Variants in GALNT7 observed in about 807,000 individuals in gnomAD.
GALNT7 encodes polypeptide N-acetylgalactosaminyltransferase 7, also known as N-acetylgalactosaminyltransferase 7.
A neutral mutation model predicts 82.1 loss-of-function variants in GALNT7; 60 were observed. The ratio of observed to expected loss-of-function variants is 0.73; its 90% CI spans 0.59 to 0.91. The LOEUF is 0.91. Among genes scored for constraint, GALNT7 ranks in the 40% least tolerant of loss-of-function variants. GALNT7 has a pLI of 0.00. For missense variants in GALNT7, 660 were observed against 804.2 expected (o/e 0.82, Z 2.17); for synonymous variants, 243 against 275.1 (o/e 0.88, Z 1.15).
chr4:173,253,144 G>A (rs554001108), intron 2 of GALNT7, among the ~76,000 whole-genome samples: 1 of 151,964 alleles, frequency 6.6e-6, no homozygotes, highest in African/African-American at 2.4e-5. Flanking sequence ...AGAGGTTGCA[G>A]TGAGCCGAGA....
At position 173,268,604 on chromosome 4, in the gene GALNT7, C is replaced by T. The variant is rs760123500; in HGVS notation, c.587+20164C>T. 3.1e-5 allele frequency among the ~76,000 whole-genome samples: 4 copies of T among 128,424 alleles called. No individual in the cohort carries two copies. In the Admixed American group the frequency reaches 4.0e-4, roughly 13 times the overall value. The allele number at this position is 128,424 out of a possible 152,430, so 84.3% of individuals were successfully genotyped here. On this transcript the variant is annotated intron_variant, in intron 2 of 11. Coordinates refer to ENST00000265000, the MANE Select transcript of GALNT7 (RefSeq NM_017423.3). ...GCCCAGGCGTGGCGCCATCTTGGCT[C>T]ACAGCAAGCTCTGCCTCCCAGGTTC...
intron 1 of GALNT7, among the ~76,000 whole-genome samples, chr4:173,222,382 C>G (rs1695365863): frequency 6.6e-6 from 1 of 152,172 alleles, no homozygotes; most frequent in Admixed American, 6.5e-5. Context: ...TAGGATTCTC[C>G]TGCCTCAGTC....
At chr4:173,173,572 T>A (rs1364879064) in intron 1 of GALNT7, among the ~76,000 whole-genome samples, 3 of 152,176 alleles carry the variant, frequency 2.0e-5, no homozygotes, top group Non-Finnish European at 4.4e-5. Context: ...GGGATGAAAC[T>A]GTTCCGCCTC....
chr4:173,273,747 A>G (rs920113758), intron 2 of GALNT7, among the ~76,000 whole-genome samples: 2 of 151,886 alleles, frequency 1.3e-5, no homozygotes, highest in African/African-American at 4.8e-5. Flanking sequence ...TTTTCCTCTC[A>G]TTCTTTCTTT....
chr4:173,190,025 A>T lies in GALNT7; in HGVS notation c.126+21064A>T, dbSNP rs574893489. Among the ~76,000 whole-genome samples the T allele has an allele frequency of 3.3e-5, 5 of 152,210 alleles. No individual in the cohort carries two copies. In the South Asian group the frequency reaches 1.0e-3, roughly 32 times the overall value. The stretch of plus-strand genomic sequence containing the variant: ...TTTTTTTTCTCTTACATAAATACCC[A>T]AACTGATAATGGCAAAATAGACTTC... On this transcript the variant is annotated intron_variant, in intron 1 of 11. Transcript: ENST00000265000.
intron 2 of GALNT7, among the ~76,000 whole-genome samples, chr4:173,270,590 A>G (rs758880022): frequency 1.3e-5 from 2 of 152,172 alleles, no homozygotes; most frequent in African/African-American, 4.8e-5. Flanking sequence ...AAGGTTTTTG[A>G]TGGATTTTTT....
intron 1 of GALNT7, among the ~76,000 whole-genome samples, chr4:173,218,625 T>A (rs1275759988): frequency 6.6e-6 from 1 of 152,168 alleles, no homozygotes; most frequent in Non-Finnish European, 1.5e-5. Context: ...TCCTGTTTCT[T>A]TAAGTTAAGC....
intron 2 of GALNT7, among the ~76,000 whole-genome samples, chr4:173,262,176 A>G (rs904342743): frequency 6.6e-6 from 1 of 152,096 alleles, no homozygotes; most frequent in African/African-American, 2.4e-5. Context: ...AAAAGGGGGG[A>G]GCATTTTAAT....
At chr4:173,252,472 G>T (rs1734883838) in intron 2 of GALNT7, among the ~76,000 whole-genome samples, 1 of 152,168 alleles carries the variant, frequency 6.6e-6, no homozygotes, top group Non-Finnish European at 1.5e-5. Context: ...CTTTGTAGAT[G>T]AATGTTCTCT....
chr4:173,233,500 T>C (rs1734110719), intron 1 of GALNT7, among the ~76,000 whole-genome samples: 1 of 152,240 alleles, frequency 6.6e-6, no homozygotes. Context: ...GTTGAGTATT[T>C]TTTCATATAT....
Position 173,215,851 on chromosome 4 carries a change from C to T in GALNT7, c.127-32129C>T, listed in dbSNP as rs939873753. On this transcript the variant is annotated intron_variant, in intron 1 of 11. Transcript: ENST00000265000. Reference sequence around the variant, plus strand: ...AAGGCCGGGTGCAGTGGTTCACGCCCGTAATCCCAGCACTTTGGGAGGCCA... The same window carrying T: ...AAGGCCGGGTGCAGTGGTTCACGCCTGTAATCCCAGCACTTTGGGAGGCCA... Among the ~76,000 whole-genome samples, 9 of 152,072 alleles carry T rather than the reference C, an allele frequency of 5.9e-5. No homozygotes were observed. The East Asian group carries it at 9.6e-4, about 16-fold the overall frequency.
At chr4:173,184,247 C>CGGCTGGGAGGTGGA (rs1732390495) in intron 1 of GALNT7, among the ~76,000 whole-genome samples, 1 of 151,886 alleles carries the variant, frequency 6.6e-6, no homozygotes. Flanking sequence ...CCAAGGCAGG[C>CGGCTGGGAGGTGGA]GGCTGGGAGG....
At chr4:173,252,139 C>T (rs547091261) in intron 2 of GALNT7, among the ~76,000 whole-genome samples, 2 of 152,230 alleles carry the variant, frequency 1.3e-5, no homozygotes, top group African/African-American at 4.8e-5. Flanking sequence ...TTGCATATTA[C>T]CTAATATGCA....
chr4:173,313,649 ACTCT>A (rs1055477186), intron 8 of GALNT7, among the ~76,000 whole-genome samples: 2 of 151,486 alleles, frequency 1.3e-5, no homozygotes, highest in African/African-American at 4.8e-5. Flanking sequence ...GCTCTCATAA[ACTCT>A]CTCTGAGATT....
At chr4:173,260,141 A>C (rs1161858774) in intron 2 of GALNT7, among the ~76,000 whole-genome samples, 1 of 152,258 alleles carries the variant, frequency 6.6e-6, no homozygotes, top group Non-Finnish European at 1.5e-5. Context: ...ATACAAAGGT[A>C]AAGTACGTAA....
chr4:173,222,824 T>G (rs559337571), intron 1 of GALNT7, among the ~76,000 whole-genome samples: 1 of 152,310 alleles, frequency 6.6e-6, no homozygotes, highest in African/African-American at 2.4e-5. Context: ...TTTCTACCAT[T>G]GACCTGCAAC....
intron 1 of GALNT7, among the ~76,000 whole-genome samples, chr4:173,204,762 A>G (rs1189060230): frequency 1.3e-5 from 2 of 152,196 alleles, no homozygotes; most frequent in Non-Finnish European, 2.9e-5. Flanking sequence ...TCCTTAAAAC[A>G]ATTATTTTGA....
intron 1 of GALNT7, among the ~76,000 whole-genome samples, chr4:173,207,849 C>T (rs964185132): frequency 3.3e-5 from 5 of 152,158 alleles, no homozygotes; most frequent in Admixed American, 3.3e-4. Context: ...TAACTGAACA[C>T]CTTTGTGGAC....
chr4:173,218,538 T>C (rs548934859), intron 1 of GALNT7, among the ~76,000 whole-genome samples: 4 of 152,186 alleles, frequency 2.6e-5, no homozygotes, highest in African/African-American at 9.6e-5. Context: ...GGGTGTTTTA[T>C]TGACAGTTGT....
Sources: allele counts gnomAD v4.1 joint callset (sites outside exome capture counted in the v4.1 genomes callset), GRCh38; gene constraint gnomAD v4.1.1; transcripts MANE v1.5; gene names NCBI Gene and HGNC (gene_info 2026-07-23, HGNC 2026-07-21).